THEMIS: variants seen among roughly 807,000 people sequenced by gnomAD.
THEMIS encodes the protein protein THEMIS.
A neutral mutation model predicts 52.6 loss-of-function variants in THEMIS; 37 were observed. That is an observed-to-expected ratio of 0.70 (90% CI 0.54 to 0.93). The LOEUF is 0.93. Ranked by LOEUF, THEMIS falls within the 40% of genes least tolerant of loss-of-function variation. THEMIS has a pLI of 0.00. For missense variants in THEMIS, 808 were observed against 763.1 expected, an observed-to-expected ratio of 1.06 and a Z score of -0.69; for synonymous variants, 292 against 272.7, an observed-to-expected ratio of 1.07 and a Z score of -0.70.
intron 1 of THEMIS, among the ~76,000 whole-genome samples, chr6:127,871,830 T>G (rs2114386233): frequency 6.6e-6 from 1 of 152,140 alleles, no homozygotes; most frequent in Non-Finnish European, 1.5e-5. Flanking sequence ...AAAAGAAATC[T>G]CCAGGCCCTG....
At chr6:127,882,413 G>A (rs541249031) in intron 1 of THEMIS, among the ~76,000 whole-genome samples, 10 of 151,960 alleles carry the variant, frequency 6.6e-5, no homozygotes, top group Admixed American at 4.6e-4. Context: ...TTATTTAAAT[G>A]TTTTAAGTTT....
intron 2 of THEMIS, among the ~76,000 whole-genome samples, chr6:127,844,794 C>T (rs980978088): frequency 2.0e-5 from 3 of 151,906 alleles, no homozygotes; most frequent in Non-Finnish European, 2.9e-5. Flanking sequence ...ATGTAATCAA[C>T]TACCGAATAG....
intron 1 of THEMIS, among the ~76,000 whole-genome samples, chr6:127,882,954 G>C (rs1193844413): frequency 6.6e-6 from 1 of 151,870 alleles, no homozygotes; most frequent in Non-Finnish European, 1.5e-5. Flanking sequence ...AGATGCATCA[G>C]ATCCATAAGA....
intron 1 of THEMIS, among the ~76,000 whole-genome samples, chr6:127,870,870 A>G (rs1164864721): frequency 6.6e-6 from 1 of 152,194 alleles, no homozygotes; most frequent in Non-Finnish European, 1.5e-5. Flanking sequence ...AAAAAGAGAA[A>G]TAGACAAATC....
chr6:127,740,696 A>G (rs1775173609), intron 4 of THEMIS, among the ~76,000 whole-genome samples: 2 of 152,174 alleles, frequency 1.3e-5, no homozygotes, highest in Admixed American at 1.3e-4. Flanking sequence ...TGTGGAGAAG[A>G]AGAGAATTTA....
At chr6:127,834,011 G>A (rs1172115307) in intron 2 of THEMIS, among the ~76,000 whole-genome samples, 1 of 152,170 alleles carries the variant, frequency 6.6e-6, no homozygotes, top group Non-Finnish European at 1.5e-5. Context: ...ACTGAGAAGA[G>A]TCTCCAGATT....
chr6:127,704,455 T>C (rs762569467), downstream of THEMIS, among the ~76,000 whole-genome samples: 6 of 152,184 alleles, frequency 3.9e-5, no homozygotes, highest in Non-Finnish European at 7.3e-5. Flanking sequence ...ATGAAACCTC[T>C]GGCAAGCTCC....
chr6:127,836,395 C>A (rs1220840672), intron 2 of THEMIS, among the ~76,000 whole-genome samples: 1 of 152,156 alleles, frequency 6.6e-6, no homozygotes, highest in Non-Finnish European at 1.5e-5. Flanking sequence ...TAACTGTCAA[C>A]ATATGCTGTG....
chr6:127,737,352 G>A (rs1775044262), intron 4 of THEMIS, among the ~76,000 whole-genome samples: 1 of 152,100 alleles, frequency 6.6e-6, no homozygotes, highest in African/African-American at 2.4e-5. Flanking sequence ...ATAAACTCCA[G>A]GCTTAAGTTG....
At chr6:127,825,286 ATTCAGAT>A (rs1778470117) in intron 3 of THEMIS, among the ~76,000 whole-genome samples, 3 of 152,322 alleles carry the variant, frequency 2.0e-5, no homozygotes, top group Admixed American at 6.5e-5. Flanking sequence ...GCACCTAAAT[ATTCAGAT>A]TGAAAACTGT....
intron 4 of THEMIS, among the ~76,000 whole-genome samples, chr6:127,731,708 T>C (rs926674459): frequency 3.5e-5 from 5 of 142,068 alleles, no homozygotes; most frequent in Non-Finnish European, 7.7e-5. Context: ...TTTTTTTTTT[T>C]TTTTTTTGAG....
intron 3 of THEMIS, among the ~76,000 whole-genome samples, chr6:127,826,976 TA>T (rs1778529927): frequency 6.6e-6 from 1 of 152,124 alleles, no homozygotes; most frequent in African/African-American, 2.4e-5. Context: ...CATTAATAAT[TA>T]AAAACTAGTA....
intron 4 of THEMIS, among the ~76,000 whole-genome samples, chr6:127,726,317 A>G (rs1481648829): frequency 6.6e-6 from 1 of 152,118 alleles, no homozygotes; most frequent in African/African-American, 2.4e-5. Flanking sequence ...TGCTCTAATA[A>G]GAGAAGACAG....
At chr6:127,777,397 A>G (rs1269045221) in intron 4 of THEMIS, among the ~76,000 whole-genome samples, 1 of 152,170 alleles carries the variant, frequency 6.6e-6, no homozygotes, top group Non-Finnish European at 1.5e-5. Flanking sequence ...CCACTTTGAT[A>G]TATAGGCCAT....
intron 4 of THEMIS, among the ~76,000 whole-genome samples, chr6:127,793,855 C>A (rs933485950): frequency 1.3e-5 from 2 of 152,126 alleles, no homozygotes; most frequent in African/African-American, 4.8e-5. Context: ...TATCCCAGAC[C>A]ACAGAGCAAA....
chr6:127,803,478 T>A (rs1777602963), intron 4 of THEMIS, among the ~76,000 whole-genome samples: 1 of 152,168 alleles, frequency 6.6e-6, no homozygotes, highest in Non-Finnish European at 1.5e-5. Flanking sequence ...CCTTTATTAA[T>A]CTTTTCCTGT....
chr6:127,859,366 C>T (rs1018291233), intron 1 of THEMIS, among the ~76,000 whole-genome samples: 1 of 152,034 alleles, frequency 6.6e-6, no homozygotes, highest in African/African-American at 2.4e-5. Context: ...CCATTAAAGC[C>T]TTATGTGATT....
At chr6:127,842,193 TA>T (rs554274579) in intron 2 of THEMIS, among the ~76,000 whole-genome samples, 37 of 151,970 alleles carry the variant, frequency 2.4e-4, no homozygotes, top group Admixed American at 2.1e-3. Context: ...TTTAATCAAA[TA>T]AAAAAATCAG....
intron 1 of THEMIS, among the ~76,000 whole-genome samples, chr6:127,881,642 T>C (rs1780487897): frequency 6.6e-6 from 1 of 151,954 alleles, no homozygotes; most frequent in African/African-American, 2.4e-5. Context: ...ACAAAAAGTT[T>C]TCTGGCAGTT....
Sources: gnomAD v4.1 joint callset for allele counts (sites outside exome capture counted in the v4.1 genomes callset) on GRCh38, gnomAD v4.1.1 for gene constraint, MANE v1.5 for transcripts, NCBI Gene and HGNC (gene_info 2026-07-23, HGNC 2026-07-21) for gene names.